LRPPRC: variants seen among roughly 807,000 people sequenced by gnomAD.
LRPPRC encodes leucine rich pentatricopeptide repeat containing.
Under a neutral mutation model 180.3 loss-of-function variants are expected in LRPPRC, and 120 were observed. The observed-to-expected ratio is 0.67, with a 90% confidence interval of 0.57 to 0.77. The LOEUF is 0.77. Ranked by LOEUF, LRPPRC falls within the 30% of genes least tolerant of loss-of-function variation. LRPPRC has a pLI of 0.00. For synonymous variants in LRPPRC, 723 were observed against 600.0 expected (o/e 1.21, Z -3.00); for missense variants, 2,012 against 1,657.2 (o/e 1.21, Z -3.72).
intron 15 of LRPPRC, 64 bp downstream of exon 15, chr2:43,950,509 A>C: frequency 7.4e-7 from 1 of 1,355,434 alleles, no homozygotes; most frequent in South Asian, 1.2e-5. Context: ...ATTATTACAT[A>C]ACCTATGGTA....
At chr2:43,937,006 AT>A (rs138330512) in intron 23 of LRPPRC, among the ~76,000 whole-genome samples, 10,941 of 151,660 alleles carry the variant, frequency 0.072, 510 homozygotes, top group South Asian at 0.13. Flanking sequence ...CACACATACG[AT>A]TTTTTTTTAA....
intron 11 of LRPPRC, among the ~76,000 whole-genome samples, chr2:43,966,937 G>C (rs1673586299): frequency 6.6e-6 from 1 of 151,906 alleles, no homozygotes; most frequent in African/African-American, 2.4e-5. Flanking sequence ...TGTAATCCCA[G>C]CTACTAGAGA....
intron 25 of LRPPRC, among the ~76,000 whole-genome samples, chr2:43,927,363 C>T (rs954840969): frequency 6.6e-5 from 10 of 152,164 alleles, no homozygotes; most frequent in Non-Finnish European, 1.2e-4. Flanking sequence ...GGTGGGATGA[C>T]AGAAAAATTG....
chr2:43,996,223 AC>A (rs1675078166), upstream of LRPPRC, among the ~76,000 whole-genome samples: 1 of 151,898 alleles, frequency 6.6e-6, no homozygotes, highest in South Asian at 2.1e-4. Flanking sequence ...CATTCGCTGC[AC>A]CCCTGCACTC....
chr2:43,921,735 T>C (rs1178559690), intron 27 of LRPPRC, among the ~76,000 whole-genome samples: 1 of 152,132 alleles, frequency 6.6e-6, no homozygotes, highest in East Asian at 1.9e-4. Context: ...TCTTTAGTAA[T>C]CAGAATATGT....
In LRPPRC at chr2:43,945,319, T is replaced by C. The variant is rs533220652; in HGVS notation, c.2296+13A>G. On this transcript the variant is annotated intron_variant, in intron 22 of 37. Coordinates refer to ENST00000260665, the MANE Select transcript of LRPPRC (RefSeq NM_133259.4). Reference sequence around the variant, plus strand: ...ACTTGCATCACATATTTCCTTTATGTGCTGAGGCTTACCTTGGAGCTTGCC... The same window carrying C: ...ACTTGCATCACATATTTCCTTTATGCGCTGAGGCTTACCTTGGAGCTTGCC... The C allele has an allele frequency of 1.3e-6, 2 of 1,580,412 alleles. No homozygotes were observed. Among genetic ancestry groups the C allele is most frequent in the Non-Finnish European group, 8.7e-7 (1 of 1,149,494 alleles).
intron 23 of LRPPRC, among the ~76,000 whole-genome samples, chr2:43,935,497 A>C (rs1672244209): frequency 6.6e-6 from 1 of 152,228 alleles, no homozygotes; most frequent in African/African-American, 2.4e-5. Context: ...ATTCTAGAAG[A>C]ATTCTAAATA....
chr2:43,946,322 A>C (rs535897649), intron 20 of LRPPRC, 79 bp from the exon 21 acceptor site: 15 of 1,124,674 alleles, frequency 1.3e-5, no homozygotes, highest in Non-Finnish European at 1.9e-5. Flanking sequence ...TACTGTTCAG[A>C]GTTTAGAAAA....
rs767391720 is a variant in LRPPRC, at chr2:43,912,508, C to A, written c.3199G>T (p.Ala1067Ser). 6 of 1,601,524 alleles carry A rather than the reference C, an allele frequency of 3.7e-6. No individual in the cohort carries two copies. The East Asian group carries it at 6.7e-5, about 18-fold the overall frequency. The change falls in exon 30 of 38, where the codon GCT (alanine) becomes TCT (serine). Residue 1067 changes from alanine (A) to serine (S), a missense_variant. Physicochemically the swap from Ala to Ser is moderately conservative, Grantham distance 99. Coordinates refer to ENST00000260665, the MANE Select transcript of LRPPRC (RefSeq NM_133259.4). ...TTAATGAGATTGCTGTAGGTTTCAG[C>A]ATTAAACACAATGTTTTGCTCTTTT... ...NAKEQNIVFN[A>S]ETYSNLIKLL...
chr2:43,939,455 CA>C (rs1672397766), intron 23 of LRPPRC, among the ~76,000 whole-genome samples: 1 of 151,904 alleles, frequency 6.6e-6, no homozygotes, highest in Non-Finnish European at 1.5e-5. Flanking sequence ...GCAATCACTA[CA>C]GAAAAGAAGG....
intron 1 of LRPPRC, among the ~76,000 whole-genome samples, chr2:43,987,797 T>G (rs1187771906): frequency 2.6e-5 from 4 of 152,224 alleles, no homozygotes; most frequent in Non-Finnish European, 5.9e-5. Context: ...GTTCTTTACT[T>G]ATCACATCAA....
chr2:43,898,694 C>G (rs937030737), intron 34 of LRPPRC, among the ~76,000 whole-genome samples: 3 of 152,142 alleles, frequency 2.0e-5, no homozygotes, highest in Non-Finnish European at 2.9e-5. Flanking sequence ...GTGTCTGTGA[C>G]ACACAAGTGA....
chr2:43,987,903 A>C (rs914202138), intron 1 of LRPPRC, among the ~76,000 whole-genome samples: 8 of 152,200 alleles, frequency 5.3e-5, no homozygotes, highest in Non-Finnish European at 1.2e-4. Context: ...AATAAATCTA[A>C]TAAATTAGAC....
intron 7 of LRPPRC, 37 bp from the exon 8 acceptor site, chr2:43,974,795 A>C (rs1673976872): frequency 6.2e-7 from 1 of 1,600,222 alleles, no homozygotes; most frequent in South Asian, 1.1e-5. Context: ...ACAAAGTTAG[A>C]GTGTTTTTAT....
At position 43,918,319 on chromosome 2, in the gene LRPPRC, T is replaced by C. The variant is rs772383185; in HGVS notation, c.2976A>G (p.Thr992=). The change falls in exon 28 of 38, where the codon ACA becomes ACG. Residue 992 remains threonine (T), a synonymous_variant. Transcript: ENST00000260665. ...QEENVIPREK[T]LRLLAEILRE... ...TAAGGATTTCTGCTAATAATCTTAATGTCTTTTCACGAGGAATAACATTTT... is the reference window on the plus strand; with the variant it reads ...TAAGGATTTCTGCTAATAATCTTAACGTCTTTTCACGAGGAATAACATTTT... The C allele has an allele frequency of 1.2e-6, 2 of 1,610,466 alleles. No homozygotes were observed. Among genetic ancestry groups the C allele is most frequent in the Admixed American group, 3.3e-5 (2 of 60,012 alleles).
At chr2:43,909,185 A>G (rs903171742) in intron 30 of LRPPRC, among the ~76,000 whole-genome samples, 1 of 152,218 alleles carries the variant, frequency 6.6e-6, no homozygotes, top group African/African-American at 2.4e-5. Context: ...ATTATTTTTA[A>G]AAGTACTCAA....
intron 11 of LRPPRC, among the ~76,000 whole-genome samples, chr2:43,973,245 C>T (rs943865092): frequency 2.2e-4 from 33 of 152,026 alleles, no homozygotes; most frequent in Non-Finnish European, 2.9e-5. Flanking sequence ...TTTCATGAAC[C>T]TAATTGTATA....
chr2:43,888,486 C>CAT lies in LRPPRC; in HGVS notation c.*112_*113dup, dbSNP rs1670350377. On this transcript the variant is annotated 3_prime_UTR_variant, in exon 38 of 38. Transcript: ENST00000260665. ...AATAAGACTTTGAACATGCATCACACATACATAAGTACATAAAGAAAATTT... is the reference window on the plus strand; with the variant it reads ...AATAAGACTTTGAACATGCATCACACATATACATAAGTACATAAAGAAAATTT... 2.9e-6 allele frequency: 2 copies of CAT among 698,084 alleles called. No homozygotes were observed. The highest frequency in any genetic ancestry group is 1.5e-5 in the South Asian group (1 of 66,292). The allele number at this position is 698,084 out of a possible 1,614,324, so 43.2% of individuals were successfully genotyped here.
chr2:43,899,417 TAG>T (rs754347663), intron 33 of LRPPRC, 47 bp downstream of exon 33: 2 of 1,613,158 alleles, frequency 1.2e-6, no homozygotes, highest in East Asian at 4.5e-5. Flanking sequence ...CTAGTCTCAC[TAG>T]AGAGAAAATG....
Sources: allele counts gnomAD v4.1 joint callset (sites outside exome capture counted in the v4.1 genomes callset), GRCh38; gene constraint gnomAD v4.1.1; transcripts MANE v1.5; gene names NCBI Gene and HGNC (gene_info 2026-07-23, HGNC 2026-07-21).